Variants in PKP4 observed in about 807,000 individuals in gnomAD.
PKP4 encodes the protein plakophilin 4.
Under a neutral mutation model 145.1 loss-of-function variants are expected in PKP4, and 90 were observed. That is an observed-to-expected ratio of 0.62 (90% CI 0.52 to 0.74). PKP4 has a LOEUF of 0.74. Ranked by LOEUF, PKP4 falls within the 30% of genes least tolerant of loss-of-function variation. PKP4 has a pLI of 0.00. For synonymous variants in PKP4, 563 were observed against 577.2 expected (o/e 0.98, Z 0.35); for missense variants, 1,340 against 1,482.7 (o/e 0.90, Z 1.58).
intron 2 of PKP4, among the ~76,000 whole-genome samples, chr2:158,561,171 G>T (rs77034639): frequency 1.3e-5 from 2 of 152,126 alleles, no homozygotes; most frequent in African/African-American, 4.8e-5. Flanking sequence ...AGGCACACTC[G>T]TCATTTATGT....
At chr2:158,555,456 A>T (rs896069160) in intron 2 of PKP4, among the ~76,000 whole-genome samples, 4 of 152,280 alleles carry the variant, frequency 2.6e-5, no homozygotes, top group African/African-American at 4.8e-5. Flanking sequence ...TGGAGTAGAC[A>T]CACACCACTG....
chr2:158,480,877 C>T (rs761945528), intron 1 of PKP4, among the ~76,000 whole-genome samples: 1 of 152,020 alleles, frequency 6.6e-6, no homozygotes, highest in Non-Finnish European at 1.5e-5. Context: ...TACCATTTCT[C>T]TCTCCCCTCA....
Position 158,625,417 on chromosome 2 carries a change from C to T in PKP4, c.1143C>T (p.Asp381=). The T allele has an allele frequency of 6.2e-7, 1 of 1,609,974 alleles. No homozygotes were observed. Among genetic ancestry groups the T allele is most frequent in the Non-Finnish European group, 8.5e-7 (1 of 1,176,840 alleles). ...AGAGGATGGTTCCACCCAGGCCAGACAGCCTGACAGGTGCGTACAAGGTGA... is the reference window on the plus strand; with the variant it reads ...AGAGGATGGTTCCACCCAGGCCAGATAGCCTGACAGGTGCGTACAAGGTGA... ...IYERMVPPRP[D]SLTGLRSSYA... Residue 381 remains aspartate, a synonymous_variant, in exon 7 of 22, where the codon GAC becomes GAT. Transcript: ENST00000389759.
intron 1 of PKP4, among the ~76,000 whole-genome samples, chr2:158,514,900 C>T (rs1273743392): frequency 3.9e-5 from 6 of 152,046 alleles, no homozygotes; most frequent in Non-Finnish European, 5.9e-5. Flanking sequence ...AAGATTGTGC[C>T]ATTGCACTCC....
chr2:158,593,488 C>T (rs750025869), intron 3 of PKP4, among the ~76,000 whole-genome samples: 14 of 152,134 alleles, frequency 9.2e-5, no homozygotes, highest in Non-Finnish European at 1.9e-4. Flanking sequence ...TCTAGTACTA[C>T]GTCCTTTTTG....
chr2:158,617,576 T>A (rs1274458159), intron 4 of PKP4, among the ~76,000 whole-genome samples: 1 of 152,182 alleles, frequency 6.6e-6, no homozygotes, highest in Non-Finnish European at 1.5e-5. Context: ...TTTTTAAAAT[T>A]CATTCATCTT....
At chr2:158,656,627 G>A (rs1423544395) in intron 11 of PKP4, among the ~76,000 whole-genome samples, 1 of 152,190 alleles carries the variant, frequency 6.6e-6, no homozygotes, top group African/African-American at 2.4e-5. Context: ...CCAAGTGAAA[G>A]AGGAGAGTTG....
chr2:158,531,055 G>A (rs2043500105), intron 1 of PKP4, among the ~76,000 whole-genome samples: 1 of 152,088 alleles, frequency 6.6e-6, no homozygotes, highest in Non-Finnish European at 1.5e-5. Flanking sequence ...CTGGGAGAGT[G>A]GTACTCAGAA....
intron 4 of PKP4, among the ~76,000 whole-genome samples, chr2:158,617,625 T>G (rs1435996701): frequency 6.6e-6 from 1 of 152,190 alleles, no homozygotes; most frequent in Non-Finnish European, 1.5e-5. Context: ...TTGGTAAATG[T>G]GAACCTTACC....
intron 4 of PKP4, among the ~76,000 whole-genome samples, chr2:158,609,722 C>T (rs73004902): frequency 0.038 from 5,743 of 152,216 alleles, 392 homozygotes; most frequent in African/African-American, 0.13. Flanking sequence ...AAATAGCTAA[C>T]CTACTGCAGC....
At chr2:158,541,133 G>A (rs528532113) in intron 2 of PKP4, among the ~76,000 whole-genome samples, 5 of 152,106 alleles carry the variant, frequency 3.3e-5, no homozygotes, top group African/African-American at 4.8e-5. Context: ...AAAATATTTC[G>A]GAAACATGTT....
intron 2 of PKP4, among the ~76,000 whole-genome samples, chr2:158,535,263 G>A (rs1036103622): frequency 2.6e-5 from 4 of 152,152 alleles, no homozygotes; most frequent in African/African-American, 9.7e-5. Flanking sequence ...ATCCAAGTAA[G>A]AAAACTAATT....
intron 1 of PKP4, among the ~76,000 whole-genome samples, chr2:158,471,045 C>A (rs1030463401): frequency 6.6e-6 from 1 of 152,126 alleles, no homozygotes; most frequent in African/African-American, 2.4e-5. Flanking sequence ...GCCCCTTCAC[C>A]CCAGCCACCA....
At chr2:158,518,642 C>T (rs1214877520) in intron 1 of PKP4, among the ~76,000 whole-genome samples, 1 of 152,202 alleles carries the variant, frequency 6.6e-6, no homozygotes, top group Non-Finnish European at 1.5e-5. Context: ...CCTAAACCTT[C>T]CTCTGTCATA....
At chr2:158,544,022 G>T (rs1202834166) in intron 2 of PKP4, among the ~76,000 whole-genome samples, 1 of 152,196 alleles carries the variant, frequency 6.6e-6, no homozygotes, top group Admixed American at 6.5e-5. Flanking sequence ...TAAATTGATT[G>T]CTAAAGCTGT....
intron 11 of PKP4, among the ~76,000 whole-genome samples, chr2:158,657,138 G>A (rs1055088234): frequency 3.9e-5 from 6 of 152,148 alleles, no homozygotes; most frequent in Non-Finnish European, 8.8e-5. Flanking sequence ...CTCTGGGGGG[G>A]ACTTGAATGC....
chr2:158,459,989 C>T (rs1429947229), intron 1 of PKP4, among the ~76,000 whole-genome samples: 1 of 152,178 alleles, frequency 6.6e-6, no homozygotes, highest in Non-Finnish European at 1.5e-5. Flanking sequence ...AGTGCATTCC[C>T]TCCCCACCCC....
At chr2:158,604,826 C>T (rs1337653930) in intron 4 of PKP4, among the ~76,000 whole-genome samples, 1 of 152,128 alleles carries the variant, frequency 6.6e-6, no homozygotes, top group African/African-American at 2.4e-5. Context: ...ACCGATAGGT[C>T]CATGCATATT....
intron 2 of PKP4, among the ~76,000 whole-genome samples, chr2:158,550,667 T>C (rs1214147665): frequency 1.3e-5 from 2 of 152,228 alleles, no homozygotes; most frequent in African/African-American, 4.8e-5. Flanking sequence ...TCAGACTTAA[T>C]GGAGAATTCC....
Sources: allele counts gnomAD v4.1 joint callset (sites outside exome capture counted in the v4.1 genomes callset), GRCh38; gene constraint gnomAD v4.1.1; transcripts MANE v1.5; gene names NCBI Gene and HGNC (gene_info 2026-07-23, HGNC 2026-07-21).